The following SLC14A2 variants were observed in gnomAD, a reference collection of about 807,000 sequenced individuals.
SLC14A2 encodes solute carrier family 14 member 2.
Under a neutral mutation model 104.6 loss-of-function variants are expected in SLC14A2, and 91 were observed. That is an observed-to-expected ratio of 0.87 (90% CI 0.73 to 1.04). SLC14A2 has a LOEUF of 1.04. SLC14A2 is among the 50% of genes least tolerant of loss of function. The pLI is 0.00. For missense variants in SLC14A2, 1,189 were observed against 1,156.0 expected (o/e 1.03, Z -0.41); for synonymous variants, 476 against 466.4 (o/e 1.02, Z -0.27).
intron 1 of SLC14A2, among the ~76,000 whole-genome samples, chr18:45,281,040 T>G (rs999678765): frequency 1.3e-5 from 2 of 152,132 alleles, no homozygotes; most frequent in Non-Finnish European, 1.5e-5. Flanking sequence ...TTTGGCGCTG[T>G]CCCTTGAACA....
chr18:45,510,367 C>T (rs939329127), intron 2 of SLC14A2, among the ~76,000 whole-genome samples: 10 of 152,104 alleles, frequency 6.6e-5, no homozygotes, highest in African/African-American at 1.9e-4. Context: ...CCATACTAAG[C>T]GTAGGTTTGA....
intron 1 of SLC14A2, among the ~76,000 whole-genome samples, chr18:45,482,150 C>G (rs2087506391): frequency 6.6e-6 from 1 of 152,168 alleles, no homozygotes; most frequent in African/African-American, 2.4e-5. Flanking sequence ...TATTTTACTT[C>G]AAGGAATTTA....
At chr18:45,520,823 G>A (rs1193014646) in intron 2 of SLC14A2, among the ~76,000 whole-genome samples, 1 of 152,198 alleles carries the variant, frequency 6.6e-6, no homozygotes, top group East Asian at 1.9e-4. Flanking sequence ...GGGTTACCAT[G>A]AGAAGATAAG....
intron 2 of SLC14A2, among the ~76,000 whole-genome samples, chr18:45,537,124 A>G (rs1019862214): frequency 6.8e-6 from 1 of 147,970 alleles, no homozygotes; most frequent in Non-Finnish European, 1.5e-5. Flanking sequence ...TGCCAGGCAC[A>G]TTGTCCTAGG....
chr18:45,506,131 A>G (rs2043280864), intron 2 of SLC14A2, among the ~76,000 whole-genome samples: 1 of 152,186 alleles, frequency 6.6e-6, no homozygotes, highest in South Asian at 2.1e-4. Flanking sequence ...TGAAGGTGTC[A>G]GGTCCAGTCC....
chr18:45,312,564 G>T (rs1015085607), intron 1 of SLC14A2, among the ~76,000 whole-genome samples: 16 of 152,016 alleles, frequency 1.1e-4, no homozygotes, highest in African/African-American at 3.6e-4. Flanking sequence ...GCAAATGGGG[G>T]GAAAATGTGG....
intron 18 of SLC14A2, among the ~76,000 whole-genome samples, chr18:45,674,458 A>G (rs1388251263): frequency 2.6e-5 from 4 of 152,194 alleles, no homozygotes; most frequent in Non-Finnish European, 4.4e-5. Context: ...TTTCCTTAAG[A>G]TAATTTGTAG....
rs572863873 is a variant in SLC14A2, at chr18:45,379,733, A to G, written c.-124-103500A>G. Among the ~76,000 whole-genome samples the G allele has an allele frequency of 4.6e-5, 7 of 152,366 alleles. No homozygotes were observed. In the East Asian group the frequency reaches 1.3e-3, roughly 29 times the overall value. On this transcript the variant is annotated intron_variant, in intron 1 of 20. Transcript: ENST00000586448. ...AAGTGTGGGATTATTTTAAGCTTTC[A>G]TAACCATTTTAGATAAAATCCTCCC...
chr18:45,648,957 G>A (rs1480258672), intron 10 of SLC14A2, among the ~76,000 whole-genome samples: 2 of 152,040 alleles, frequency 1.3e-5, no homozygotes, highest in Non-Finnish European at 2.9e-5. Flanking sequence ...CTCTCACGAG[G>A]TCAGGAGATA....
At chr18:45,351,456 GC>G (rs1374752347) in intron 1 of SLC14A2, among the ~76,000 whole-genome samples, 1 of 152,146 alleles carries the variant, frequency 6.6e-6, no homozygotes, top group Non-Finnish European at 1.5e-5. Flanking sequence ...CTAGGCTCAA[GC>G]AACCCTCCTG....
At chr18:45,470,641 T>A (rs1277495109) in intron 1 of SLC14A2, among the ~76,000 whole-genome samples, 1 of 152,164 alleles carries the variant, frequency 6.6e-6, no homozygotes, top group East Asian at 1.9e-4. Flanking sequence ...TTATACAATA[T>A]ATTTAATCCT....
At chr18:45,344,072 C>T (rs1027367488) in intron 1 of SLC14A2, among the ~76,000 whole-genome samples, 10 of 152,134 alleles carry the variant, frequency 6.6e-5, no homozygotes, top group African/African-American at 2.4e-4. Context: ...TATGTGAAAG[C>T]CCTCTGTGTA....
chr18:45,670,933 G>T (rs1006632565), intron 16 of SLC14A2, among the ~76,000 whole-genome samples: 6 of 152,174 alleles, frequency 3.9e-5, no homozygotes, highest in African/African-American at 1.4e-4. Context: ...AAAGTGCTGG[G>T]ATTACAGGCG....
intron 2 of SLC14A2, among the ~76,000 whole-genome samples, chr18:45,554,721 A>C (rs1237785619): frequency 6.6e-6 from 1 of 152,114 alleles, no homozygotes; most frequent in African/African-American, 2.4e-5. Context: ...AACGACAACA[A>C]AGGAAACAGC....
At chr18:45,363,626 GTT>G (rs1283756950) in intron 1 of SLC14A2, among the ~76,000 whole-genome samples, 3 of 152,228 alleles carry the variant, frequency 2.0e-5, no homozygotes, top group Non-Finnish European at 4.4e-5. Flanking sequence ...GGGCAGGAAA[GTT>G]TGCTGAATAT....
intron 1 of SLC14A2, among the ~76,000 whole-genome samples, chr18:45,346,568 T>C (rs2085450074): frequency 1.3e-5 from 2 of 152,224 alleles, no homozygotes; most frequent in African/African-American, 2.4e-5. Flanking sequence ...AATTCTTTCA[T>C]CTTTTTAGTG....
At chr18:45,364,453 T>C (rs1422563129) in intron 1 of SLC14A2, among the ~76,000 whole-genome samples, 1 of 152,194 alleles carries the variant, frequency 6.6e-6, no homozygotes, top group Non-Finnish European at 1.5e-5. Flanking sequence ...GAGTTGTTCC[T>C]CTGTAGTATG....
chr18:45,368,357 G>C (rs1484133459), intron 1 of SLC14A2, among the ~76,000 whole-genome samples: 3 of 152,154 alleles, frequency 2.0e-5, no homozygotes, highest in East Asian at 3.8e-4. Flanking sequence ...GAATACTTAA[G>C]ATAACATCCA....
chr18:45,515,502 G>A (rs1034346538), intron 2 of SLC14A2: 1 of 152,194 alleles, frequency 6.6e-6, no homozygotes, highest in African/African-American at 2.4e-5. Context: ...TCGGATTGGG[G>A]GCACCAGGAG....
Sources: gnomAD v4.1 joint callset for allele counts (sites outside exome capture counted in the v4.1 genomes callset) on GRCh38, gnomAD v4.1.1 for gene constraint, MANE v1.5 for transcripts, NCBI Gene and HGNC (gene_info 2026-07-23, HGNC 2026-07-21) for gene names.